SMYD3: variants seen among roughly 807,000 people sequenced by gnomAD.
SMYD3 encodes SET and MYND domain containing 3.
A neutral mutation model predicts 57.7 loss-of-function variants in SMYD3; 36 were observed. The ratio of observed to expected loss-of-function variants is 0.62; its 90% CI spans 0.48 to 0.82. The LOEUF is 0.82. Ranked by LOEUF, SMYD3 falls within the 40% of genes least tolerant of loss-of-function variation. The pLI is 0.00. For missense variants in SMYD3, 515 were observed against 538.8 expected (o/e 0.96, Z 0.44); for synonymous variants, 211 against 195.0 (o/e 1.08, Z -0.68).
chr1:246,255,967 T>TAGAC (rs1558353957), intron 5 of SMYD3, among the ~76,000 whole-genome samples: 38 of 151,256 alleles, frequency 2.5e-4, no homozygotes, highest in African/African-American at 9.0e-4. Flanking sequence ...GATAGATAGA[T>TAGAC]AGATAGATAG....
At chr1:246,263,348 C>A (rs200298622) in intron 5 of SMYD3, among the ~76,000 whole-genome samples, 24,390 of 126,968 alleles carry the variant, frequency 0.19, 2,435 homozygotes, top group East Asian at 0.47. Flanking sequence ...ATGTATGTGA[C>A]CTGGGCACAT....
At chr1:245,927,866 C>T (rs551309933) in intron 7 of SMYD3, 65 bp downstream of exon 7, 76 of 1,306,548 alleles carry the variant, frequency 5.8e-5, no homozygotes, top group East Asian at 5.5e-4. Flanking sequence ...GTTTTAGGGA[C>T]GGGCCGAGCT....
At chr1:246,265,530 T>A (rs1046604925) in intron 5 of SMYD3, among the ~76,000 whole-genome samples, 4 of 152,206 alleles carry the variant, frequency 2.6e-5, no homozygotes, top group African/African-American at 9.6e-5. Context: ...GACAAGAGGC[T>A]GACTCCAGAA....
At chr1:245,944,470 C>G (rs1489981398) in intron 5 of SMYD3, among the ~76,000 whole-genome samples, 1 of 152,080 alleles carries the variant, frequency 6.6e-6, no homozygotes, top group Non-Finnish European at 1.5e-5. Flanking sequence ...GAACGATAAA[C>G]CTCCGCTCAA....
At chr1:246,499,249 A>G (rs1474349009) in intron 1 of SMYD3, among the ~76,000 whole-genome samples, 1 of 151,896 alleles carries the variant, frequency 6.6e-6, no homozygotes, top group African/African-American at 2.4e-5. Context: ...GGTTGCAGTG[A>G]GCCGAGATTG....
chr1:246,054,125 T>A (rs1035649197), intron 5 of SMYD3, among the ~76,000 whole-genome samples: 1 of 152,068 alleles, frequency 6.6e-6, no homozygotes, highest in Non-Finnish European at 1.5e-5. Context: ...AACAAATACT[T>A]CTCAAAAGAA....
chr1:246,289,283 A>G (rs1156780257), intron 5 of SMYD3, among the ~76,000 whole-genome samples: 1 of 152,178 alleles, frequency 6.6e-6, no homozygotes, highest in Non-Finnish European at 1.5e-5. Flanking sequence ...AATGCATTTG[A>G]CTTTGTTACT....
intron 7 of SMYD3, among the ~76,000 whole-genome samples, chr1:245,923,656 G>A (rs943289716): frequency 6.6e-6 from 1 of 152,172 alleles, no homozygotes; most frequent in Non-Finnish European, 1.5e-5. Flanking sequence ...GAGTCTAGGA[G>A]TCAGTCCTCT....
chr1:246,141,845 C>T (rs916107460), intron 5 of SMYD3, among the ~76,000 whole-genome samples: 1 of 152,168 alleles, frequency 6.6e-6, no homozygotes, highest in Non-Finnish European at 1.5e-5. Context: ...GAAGCAGAGT[C>T]GAGCTGGAAG....
intron 10 of SMYD3, among the ~76,000 whole-genome samples, chr1:245,764,744 G>C (rs1194334844): frequency 6.6e-6 from 1 of 151,946 alleles, no homozygotes; most frequent in Non-Finnish European, 1.5e-5. Context: ...CACCCCATCT[G>C]CGTTCTCCAT....
chr1:246,045,927 A>G (rs1406506304), intron 5 of SMYD3, among the ~76,000 whole-genome samples: 1 of 152,228 alleles, frequency 6.6e-6, no homozygotes, highest in Non-Finnish European at 1.5e-5. Flanking sequence ...ACAATGAGAT[A>G]CCATCTCACA....
chr1:245,887,786 C>T (rs1034953688), intron 8 of SMYD3, among the ~76,000 whole-genome samples: 2 of 152,120 alleles, frequency 1.3e-5, no homozygotes, highest in Admixed American at 1.3e-4. Context: ...AGGAAGGGGA[C>T]ATCTTTCAAT....
At chr1:246,161,144 GT>G (rs1253354568) in intron 5 of SMYD3, among the ~76,000 whole-genome samples, 1 of 152,142 alleles carries the variant, frequency 6.6e-6, no homozygotes, top group African/African-American at 2.4e-5. Context: ...CATTTGCAGA[GT>G]CCTCTACAAA....
chr1:246,282,375 T>A (rs1218316861), intron 5 of SMYD3, among the ~76,000 whole-genome samples: 2 of 142,910 alleles, frequency 1.4e-5, no homozygotes, highest in Non-Finnish European at 3.0e-5. Flanking sequence ...GTTGCCCACC[T>A]GTAGGCCCAG....
Position 246,238,127 on chromosome 1 carries a change from G to A in SMYD3, c.531+89074C>T, listed in dbSNP as rs890169419. On this transcript the variant is annotated intron_variant, in intron 5 of 11. Coordinates refer to ENST00000490107, the MANE Select transcript of SMYD3 (RefSeq NM_001167740.2). The stretch of plus-strand genomic sequence containing the variant: ...TGACCAGGATGAAGTGCAGTGGCAC[G>A]ATCTCGGCTCACTGCAGCCTCAACC... Among the ~76,000 whole-genome samples, 7 of 152,108 alleles carry A rather than the reference G, an allele frequency of 4.6e-5. No homozygotes were observed. The East Asian group carries it at 5.8e-4, about 13-fold the overall frequency.
chr1:246,294,756 G>A (rs1229837457), intron 5 of SMYD3, among the ~76,000 whole-genome samples: 5 of 151,884 alleles, frequency 3.3e-5, no homozygotes, highest in Admixed American at 2.6e-4. Context: ...CCACCACCTC[G>A]CCCAGCTAAT....
chr1:246,083,132 A>T (rs1420374698), intron 5 of SMYD3, among the ~76,000 whole-genome samples: 6 of 151,422 alleles, frequency 4.0e-5, no homozygotes, highest in South Asian at 2.1e-4. Context: ...AGGATTAGTA[A>T]AAGAGGAAGG....
At chr1:246,011,738 A>G (rs12406155) in intron 5 of SMYD3, among the ~76,000 whole-genome samples, 4,506 of 152,290 alleles carry the variant, frequency 0.03, 158 homozygotes, top group South Asian at 0.15. Context: ...TGGCTCTAGC[A>G]TTAAAGTGGA....
At chr1:245,900,338 C>T (rs972412156) in intron 8 of SMYD3, among the ~76,000 whole-genome samples, 2 of 152,126 alleles carry the variant, frequency 1.3e-5, no homozygotes, top group Non-Finnish European at 2.9e-5. Flanking sequence ...AAGTAAATGA[C>T]ATCATTTTTG....
Sources: gnomAD v4.1 joint callset for allele counts (sites outside exome capture counted in the v4.1 genomes callset) on GRCh38, gnomAD v4.1.1 for gene constraint, MANE v1.5 for transcripts, NCBI Gene and HGNC (gene_info 2026-07-23, HGNC 2026-07-21) for gene names.